Variants in B9D1 observed in about 807,000 individuals in gnomAD.
B9D1 encodes the protein B9 domain containing 1.
A neutral mutation model predicts 26.1 loss-of-function variants in B9D1; 20 were observed. The observed-to-expected ratio is 0.77, with a 90% CI of 0.54 to 1.12. The LOEUF is 1.12. B9D1 is among the 50% of genes most tolerant of loss of function. B9D1 has a pLI of 0.00. For missense variants in B9D1, 260 were observed against 273.7 expected (o/e 0.95, Z 0.35); for synonymous variants, 105 against 103.1 (o/e 1.02, Z -0.11).
chr17:19,338,469 T>A (rs1450275763), downstream of B9D1, among the ~76,000 whole-genome samples: 1 of 152,240 alleles, frequency 6.6e-6, no homozygotes, highest in Non-Finnish European at 1.5e-5. Context: ...TCTTTGTACT[T>A]CTAATCAGTT....
At chr17:19,351,346 CTTT>C (rs547424647) in intron 3 of B9D1, among the ~76,000 whole-genome samples, 1 of 152,048 alleles carries the variant, frequency 6.6e-6, no homozygotes, top group African/African-American at 2.4e-5. Context: ...TTATATTATC[CTTT>C]TTTTATCTTG....
At chr17:19,367,703 C>T (rs1251738283), upstream of B9D1, among the ~76,000 whole-genome samples, 1 of 152,214 alleles carries the variant, frequency 6.6e-6, no homozygotes, top group African/African-American at 2.4e-5. Context: ...AAAGTCCTTC[C>T]TGCCATTTCT....
At chr17:19,360,178 A>T in intron 2 of B9D1, 142 bp downstream of exon 2, 1 of 790,012 alleles carries the variant, frequency 1.3e-6, no homozygotes, top group Non-Finnish European at 2.2e-6. Flanking sequence ...CTCCCGCTTT[A>T]CCAGGAACAC....
chr17:19,335,332 G>A, downstream of B9D1: 3 of 1,466,152 alleles, frequency 2.0e-6, no homozygotes, highest in Non-Finnish European at 2.8e-6. Flanking sequence ...CATCCTGAAA[G>A]TTAAAGAAAA....
chr17:19,348,810 T>C (rs1227797685), intron 3 of B9D1, among the ~76,000 whole-genome samples: 1 of 152,216 alleles, frequency 6.6e-6, no homozygotes, highest in Non-Finnish European at 1.5e-5. Flanking sequence ...TAATCCAAAA[T>C]TATGTCCATT....
chr17:19,376,817 AAAATAAAATAAAATAAAAT>A (rs1432041750), intron 1 of B9D1, among the ~76,000 whole-genome samples: 1 of 150,662 alleles, frequency 6.6e-6, no homozygotes, highest in Non-Finnish European at 1.5e-5. Context: ...AAAATAAAAT[AAAATAAAATAAAATAAAAT>A]AAACAACCAA....
upstream of B9D1, among the ~76,000 whole-genome samples, chr17:19,366,707 G>A (rs1227197285): frequency 6.6e-6 from 1 of 152,198 alleles, no homozygotes; most frequent in Non-Finnish European, 1.5e-5. Flanking sequence ...TTGCCTCTTG[G>A]CTCTTCAGCG....
chr17:19,360,683 T>A (rs971404940), intron 1 of B9D1, among the ~76,000 whole-genome samples: 5 of 152,210 alleles, frequency 3.3e-5, no homozygotes, highest in Non-Finnish European at 7.3e-5. Flanking sequence ...TCAGGGAGCC[T>A]GCTCTAACTC....
At chr17:19,352,901 CAG>C (rs1290640171) in intron 3 of B9D1, among the ~76,000 whole-genome samples, 2 of 150,816 alleles carry the variant, frequency 1.3e-5, no homozygotes. Flanking sequence ...CTCCTGACAT[CAG>C]GTGATCCACC....
At position 19,347,846 on chromosome 17, in the gene B9D1, A is replaced by G. The variant is rs780676505; in HGVS notation, c.279T>C (p.Asp93=). ...CTCGAACCACATCGTTCCCGAACACATCTGGTCCATACACGCTGAGCACGA... is the reference window on the plus strand; with the variant it reads ...CTCGAACCACATCGTTCCCGAACACGTCTGGTCCATACACGCTGAGCACGA... ...PQIVLSVYGP[D]VFGNDVVRGY... Residue 93 remains aspartate, a synonymous_variant, in exon 4 of 7, where the codon GAT becomes GAC. Coordinates refer to ENST00000261499, the MANE Select transcript of B9D1 (RefSeq NM_015681.6). The surrounding 1 kb of genome is among the most constrained non-coding windows in gnomAD (Gnocchi z 4.3). The G allele has an allele frequency of 1.5e-5, 24 of 1,614,000 alleles. No individual in the cohort carries two copies. The highest frequency in any genetic ancestry group is 1.2e-5 in the Non-Finnish European group (14 of 1,180,026).
intron 3 of B9D1, among the ~76,000 whole-genome samples, chr17:19,350,735 G>A (rs1044163201): frequency 2.0e-5 from 3 of 152,248 alleles, no homozygotes; most frequent in African/African-American, 4.8e-5. Flanking sequence ...TCTTGATCAG[G>A]TTAGGGAAGC....
In B9D1 at chr17:19,372,053, C is replaced by T. The variant is rs1266964894; in HGVS notation, c.-298+5806G>A. The T allele has an allele frequency of 6.6e-6, 1 of 152,234 alleles. No homozygotes were observed. The highest frequency in any genetic ancestry group is 1.5e-5 in the Non-Finnish European group (1 of 68,074). 9.4% of individuals were successfully genotyped at this position (152,234 alleles called of 1,614,324 possible). Reference sequence around the variant, plus strand: ...GTTGAGCCCATTTTGTCACCTGTAACCAGGGACAATGATGCATCACCCGAG... The same window carrying T: ...GTTGAGCCCATTTTGTCACCTGTAATCAGGGACAATGATGCATCACCCGAG... On this transcript the variant is annotated intron_variant, in intron 1 of 5. Transcript: ENST00000477478. This position sits in a 1 kb window ranked among gnomAD's most constrained non-coding sequence, Gnocchi z 4.4.
chr17:19,368,329 G>C (rs1331254355), intron 1 of B9D1, among the ~76,000 whole-genome samples: 1 of 152,198 alleles, frequency 6.6e-6, no homozygotes, highest in Non-Finnish European at 1.5e-5. Flanking sequence ...CTCGGGCTAG[G>C]CATGCCCCCT....
intron 3 of B9D1, among the ~76,000 whole-genome samples, chr17:19,353,367 G>A (rs561282049): frequency 2.6e-5 from 4 of 152,032 alleles, no homozygotes; most frequent in African/African-American, 9.7e-5. Flanking sequence ...GTCAGGCGCA[G>A]TGCCTCAGGT....
chr17:19,348,800 T>G (rs887909013), intron 3 of B9D1, among the ~76,000 whole-genome samples: 6 of 152,246 alleles, frequency 3.9e-5, no homozygotes, highest in Non-Finnish European at 7.3e-5. Context: ...GCCCAGACTC[T>G]AATCCAAAAT....
chr17:19,362,725 C>T, upstream of B9D1: 1 of 1,519,380 alleles, frequency 6.6e-7, no homozygotes, highest in Non-Finnish European at 8.8e-7. Flanking sequence ...GTGGCATGCG[C>T]AGGCGCAGTG....
downstream of B9D1, chr17:19,341,022 T>C (rs1907910920): frequency 1.4e-6 from 1 of 718,788 alleles, no homozygotes; most frequent in Non-Finnish European, 1.9e-6. Flanking sequence ...AACAGGAAAT[T>C]GGTAATGGTA....
At chr17:19,362,344 C>G (rs1911202983) in intron 1 of B9D1, among the ~76,000 whole-genome samples, 163 bp downstream of exon 1, 1 of 152,212 alleles carries the variant, frequency 6.6e-6, no homozygotes, top group Admixed American at 6.5e-5. Flanking sequence ...ATCCGGGCAA[C>G]CTCGCGCCAA....
upstream of B9D1, among the ~76,000 whole-genome samples, chr17:19,364,163 C>T (rs945423901): frequency 1.3e-5 from 2 of 152,158 alleles, no homozygotes; most frequent in African/African-American, 4.8e-5. This position sits in a 1 kb window ranked among gnomAD's most constrained non-coding sequence, Gnocchi z 4.3. Flanking sequence ...CTGGGGGCTC[C>T]CAGTAGTTTA....
Sources: gnomAD v4.1 joint callset for allele counts (sites outside exome capture counted in the v4.1 genomes callset) on GRCh38, gnomAD v4.1.1 for gene constraint, Gnocchi (gnomAD v3.1) non-coding constraint, MANE v1.5 for transcripts, NCBI Gene and HGNC (gene_info 2026-07-23, HGNC 2026-07-21) for gene names.